Variants in LTBP1 observed in about 807,000 individuals in gnomAD.
The protein encoded by LTBP1 is latent-transforming growth factor beta-binding protein 1.
Under a neutral mutation model 207.6 loss-of-function variants are expected in LTBP1, and 129 were observed. The observed-to-expected ratio is 0.62, with a 90% CI of 0.54 to 0.72. The LOEUF is 0.72. Ranked by LOEUF, LTBP1 falls within the 30% of genes least tolerant of loss-of-function variation. The pLI, the probability that LTBP1 is intolerant of heterozygous loss-of-function variation, is 0.00. For synonymous variants in LTBP1, 963 were observed against 833.7 expected, an observed-to-expected ratio of 1.16 and a Z score of -2.67; for missense variants, 2,281 against 2,217.2, an observed-to-expected ratio of 1.03 and a Z score of -0.58.
chr2:33,318,198 G>A lies in LTBP1; in HGVS notation c.3730+2929G>A, dbSNP rs564665397. 7.9e-5 allele frequency among the ~76,000 whole-genome samples: 12 copies of A among 152,270 alleles called. No individual in the cohort carries two copies. The South Asian group carries it at 2.5e-3, about 32-fold the overall frequency. ...CTAGCCCTAAGCATTTTGGGTAAGGGATACTCAACCTGTATATGGTACTCT... is the reference window on the plus strand; with the variant it reads ...CTAGCCCTAAGCATTTTGGGTAAGGAATACTCAACCTGTATATGGTACTCT... On this transcript the variant is annotated intron_variant, in intron 24 of 33. Transcript: ENST00000404816.
chr2:33,229,163 A>T (rs2091642286), intron 9 of LTBP1, among the ~76,000 whole-genome samples: 1 of 152,178 alleles, frequency 6.6e-6, no homozygotes, highest in Admixed American at 6.5e-5. Flanking sequence ...ATTTTGTTTT[A>T]TTTCATTAAA....
intron 7 of LTBP1, among the ~76,000 whole-genome samples, chr2:33,210,977 A>C (rs1231653145): frequency 2.6e-5 from 4 of 152,298 alleles, no homozygotes; most frequent in African/African-American, 7.2e-5. Context: ...TGAAACCTGT[A>C]TCACTTTAAC....
intron 5 of LTBP1, among the ~76,000 whole-genome samples, chr2:33,167,144 A>T (rs1262161402): frequency 1.3e-5 from 2 of 152,220 alleles, no homozygotes; most frequent in African/African-American, 2.4e-5. Flanking sequence ...ATTGATTAAA[A>T]AGTGAGTGCC....
chr2:33,260,457 T>C (rs1408588515), intron 13 of LTBP1, among the ~76,000 whole-genome samples: 1 of 152,212 alleles, frequency 6.6e-6, no homozygotes, highest in Non-Finnish European at 1.5e-5. Flanking sequence ...TTATGTACCA[T>C]TCTTTAAGCT....
chr2:33,033,975 A>T (rs1408331987), intron 3 of LTBP1, among the ~76,000 whole-genome samples: 2 of 152,190 alleles, frequency 1.3e-5, no homozygotes, highest in African/African-American at 4.8e-5. Context: ...TCAAGAGGCC[A>T]CAGCCCTAAC....
intron 3 of LTBP1, among the ~76,000 whole-genome samples, chr2:33,035,724 A>G (rs1286636909): frequency 1.3e-5 from 2 of 152,232 alleles, no homozygotes; most frequent in Non-Finnish European, 1.5e-5. Context: ...CACATGGGGT[A>G]TAATTCTACG....
intron 1 of LTBP1, among the ~76,000 whole-genome samples, chr2:32,948,536 C>T (rs1676622572): frequency 1.3e-5 from 2 of 152,132 alleles, no homozygotes; most frequent in African/African-American, 2.4e-5. Flanking sequence ...AAACTCATTT[C>T]CAATTTAAAA....
chr2:33,198,877 G>A (rs149541476), intron 7 of LTBP1, among the ~76,000 whole-genome samples: 4,464 of 152,022 alleles, frequency 0.029, 95 homozygotes, highest in Non-Finnish European at 0.044. Context: ...TTTTTGAAGG[G>A]TTTTTTGTGT....
Position 33,174,761 on chromosome 2 carries a change from A to G in LTBP1, c.1202-12095A>G, listed in dbSNP as rs566303721. On this transcript the variant is annotated intron_variant, in intron 5 of 33. Coordinates refer to ENST00000404816, the MANE Select transcript of LTBP1 (RefSeq NM_206943.4). ...ACACTACCTGACTTCAAACTATACT[A>G]CAAGGCTACAGTAACCAAAACAGCA... Among the ~76,000 whole-genome samples the G allele has an allele frequency of 1.2e-4, 19 of 152,318 alleles. No homozygotes were observed. The East Asian group carries it at 2.5e-3, about 20-fold the overall frequency.
chr2:32,977,263 CTGGGT>C (rs1408705722), intron 2 of LTBP1, among the ~76,000 whole-genome samples: 7 of 151,970 alleles, frequency 4.6e-5, no homozygotes, highest in African/African-American at 1.7e-4. Context: ...AGCAGGACTG[CTGGGT>C]TGGAAGCTCT....
At chr2:33,066,614 C>G (rs184201175) in intron 3 of LTBP1, among the ~76,000 whole-genome samples, 1 of 152,106 alleles carries the variant, frequency 6.6e-6, no homozygotes, top group African/African-American at 2.4e-5. Flanking sequence ...TGTAACTGTG[C>G]TAAAAGAATA....
At chr2:32,974,220 C>T (rs375331286) in intron 2 of LTBP1, among the ~76,000 whole-genome samples, 1 of 152,142 alleles carries the variant, frequency 6.6e-6, no homozygotes, top group African/African-American at 2.4e-5. Context: ...CCATGAACAG[C>T]GTATGAAGGT....
intron 4 of LTBP1, among the ~76,000 whole-genome samples, chr2:33,114,593 G>A (rs1050651303): frequency 1.3e-5 from 2 of 152,084 alleles, no homozygotes; most frequent in African/African-American, 2.4e-5. Context: ...GACAATTCTC[G>A]GATACATTTC....
At chr2:33,288,871 GAAAAA>G (rs1171285669) in intron 19 of LTBP1, among the ~76,000 whole-genome samples, 1 of 147,876 alleles carries the variant, frequency 6.8e-6, no homozygotes, top group African/African-American at 2.5e-5. Flanking sequence ...AAAAAAAAAA[GAAAAA>G]AGAAAAGAAG....
chr2:32,947,617 T>A lies in LTBP1; in HGVS notation c.293T>A (p.Leu98His), dbSNP rs533704752. Reference sequence around the variant, plus strand: ...CCGGGCGGCGCGGCCCTGCAGGGGCTCAGACCGCCGCCGCCGCCGCCGCCG... The same window carrying A: ...CCGGGCGGCGCGGCCCTGCAGGGGCACAGACCGCCGCCGCCGCCGCCGCCG... ...SKPGGAALQG[L>H]RPPPPPPPEP... is the part of the protein sequence containing the mutation. Residue 98 changes from leucine to histidine, a missense_variant, in exon 1 of 34, where the codon CTC becomes CAC. By Grantham distance (99) the Leu-to-His change is moderately conservative. This residue lies in a region of LTBP1 where 555 missense variants were observed against 491.0 expected (regional missense o/e 1.13). Transcript: ENST00000404816. 5 of 1,338,016 alleles carry A rather than the reference T, an allele frequency of 3.7e-6. No homozygotes were observed. In the African/African-American group the frequency reaches 7.8e-5, roughly 21 times the overall value. The allele number at this position is 1,338,016 out of a possible 1,614,324, so 82.9% of individuals were successfully genotyped here.
At chr2:33,329,169 T>C (rs1033047929) in intron 24 of LTBP1, among the ~76,000 whole-genome samples, 7 of 152,360 alleles carry the variant, frequency 4.6e-5, no homozygotes, top group African/African-American at 1.7e-4. Context: ...TTATCATCAA[T>C]AATTGGTATT....
At chr2:32,960,274 C>G (rs1258824235) in intron 2 of LTBP1, among the ~76,000 whole-genome samples, 1 of 152,152 alleles carries the variant, frequency 6.6e-6, no homozygotes, top group East Asian at 1.9e-4. Context: ...ATGCTTGTCA[C>G]ATTGCATCAC....
intron 2 of LTBP1, among the ~76,000 whole-genome samples, chr2:33,004,246 A>G (rs1181455063): frequency 6.6e-6 from 1 of 152,024 alleles, no homozygotes; most frequent in Non-Finnish European, 1.5e-5. Flanking sequence ...GTGCAGAGAG[A>G]TTGTAGATGA....
At chr2:32,972,036 A>G (rs1462450304) in intron 2 of LTBP1, among the ~76,000 whole-genome samples, 1 of 151,180 alleles carries the variant, frequency 6.6e-6, no homozygotes, top group African/African-American at 2.4e-5. Context: ...AGGAGGTTGT[A>G]CTTTCCAGGA....
Sources: allele counts gnomAD v4.1 joint callset (sites outside exome capture counted in the v4.1 genomes callset), GRCh38; gene constraint gnomAD v4.1.1; regional missense constraint gnomAD v4.1.1; transcripts MANE v1.5; gene names NCBI Gene and HGNC (gene_info 2026-07-23, HGNC 2026-07-21).